TBCE: variants seen among roughly 807,000 people sequenced by gnomAD.
TBCE encodes the protein tubulin folding cofactor E.
Under a neutral mutation model 77.0 loss-of-function variants are expected in TBCE, and 53 were observed. That is an observed-to-expected ratio of 0.69 (90% confidence interval 0.55 to 0.87). TBCE has a LOEUF of 0.87. Ranked by LOEUF, TBCE falls within the 40% of genes least tolerant of loss-of-function variation. The probability of loss-of-function intolerance (pLI) is 0.00; values close to 1 mark genes in which losing one functional copy is unlikely to be tolerated. For synonymous variants in TBCE, 235 were observed against 241.3 expected, an observed-to-expected ratio of 0.97 and a Z score of 0.24; for missense variants, 624 against 622.4, an observed-to-expected ratio of 1.00 and a Z score of -0.03.
chr1:235,379,883 G>A (rs1267509400), intron 1 of TBCE, 136 bp from the exon 2 acceptor site: 1 of 528,502 alleles, frequency 1.9e-6, no homozygotes, highest in African/African-American at 1.9e-5. Context: ...GGAAGGTGGG[G>A]GTTGCAGTGA....
intron 15 of TBCE, among the ~76,000 whole-genome samples, chr1:235,446,943 G>A (rs1199318164): frequency 6.6e-6 from 1 of 152,108 alleles, no homozygotes; most frequent in East Asian, 1.9e-4. Flanking sequence ...CCAAAGTGCT[G>A]GGGTTACAGG....
At chr1:235,433,102 A>G (rs1681202824) in intron 7 of TBCE, 1 of 1,521,100 alleles carries the variant, frequency 6.6e-7, no homozygotes, top group Non-Finnish European at 8.8e-7. Flanking sequence ...GGCCAAGGCC[A>G]GTGAGGTCAC....
rs577563130 is a variant in TBCE, at chr1:235,370,285, G to A, written c.-32+2781G>A. 5.6e-5 allele frequency among the ~76,000 whole-genome samples: 7 copies of A among 125,060 alleles called. No individual in the cohort carries two copies. In the East Asian group the frequency reaches 1.1e-3, roughly 20 times the overall value. 82.0% of individuals were successfully genotyped at this position (125,060 alleles called of 152,430 possible). On this transcript the variant is annotated intron_variant, in intron 1 of 16. Coordinates refer to ENST00000642610, the MANE Select transcript of TBCE (RefSeq NM_003193.5). The stretch of plus-strand genomic sequence containing the variant: ...TTTTTTTTTTCTGAGACGGATTCTT[G>A]CTCTGTTGCCCAGGCTGGAGTGCAG...
At chr1:235,434,307 T>TAA (rs775009562) in intron 8 of TBCE, 27 bp downstream of exon 8, 1 of 1,557,338 alleles carries the variant, frequency 6.4e-7, no homozygotes, top group Admixed American at 1.7e-5. Flanking sequence ...TAAATGCATC[T>TAA]ATCCCCATTT....
intron 4 of TBCE, among the ~76,000 whole-genome samples, chr1:235,417,023 CAGTT>C (rs1195833429): frequency 6.6e-6 from 1 of 152,196 alleles, no homozygotes; most frequent in African/African-American, 2.4e-5. Flanking sequence ...TGATAGCTGT[CAGTT>C]AGGAGTTGAA....
chr1:235,433,139 C>G, intron 7 of TBCE: 1 of 1,471,966 alleles, frequency 6.8e-7, no homozygotes, highest in Non-Finnish European at 9.0e-7. Flanking sequence ...CAGTTTAAAA[C>G]CTGTGCTATC....
intron 3 of TBCE, among the ~76,000 whole-genome samples, chr1:235,406,526 C>T (rs1055981529): frequency 4.6e-5 from 7 of 152,138 alleles, no homozygotes; most frequent in Non-Finnish European, 8.8e-5. Context: ...CAAAGAGAAA[C>T]GTGGATTTTT....
chr1:235,370,686 G>C (rs1425992579), intron 1 of TBCE, among the ~76,000 whole-genome samples: 1 of 150,946 alleles, frequency 6.6e-6, no homozygotes, highest in Non-Finnish European at 1.5e-5. Flanking sequence ...AATGAATTTG[G>C]GGTTTTTGCA....
intron 2 of TBCE, 126 bp downstream of exon 2, chr1:235,380,275 A>T (rs1572325520): frequency 2.4e-6 from 2 of 841,024 alleles, no homozygotes; most frequent in South Asian, 2.9e-5. Flanking sequence ...ATTTTGACGA[A>T]ATTAACAACT....
chr1:235,377,219 C>T (rs534544013), intron 1 of TBCE, among the ~76,000 whole-genome samples: 151 of 152,312 alleles, frequency 9.9e-4, no homozygotes, highest in Non-Finnish European at 1.7e-3. Flanking sequence ...TTTGCTCTGT[C>T]GCCAGGCTGG....
chr1:235,437,190 T>C (rs1681516221), intron 11 of TBCE, 132 bp from the exon 12 acceptor site: 2 of 1,038,280 alleles, frequency 1.9e-6, no homozygotes, highest in South Asian at 2.7e-5. Flanking sequence ...CTAGAGGGGA[T>C]TGCTTAGTGC....
chr1:235,389,712 G>T lies in TBCE; in HGVS notation c.100+9563G>T, dbSNP rs190363926. ...ACACAGATTTAGTAATAATTTCTGC[G>T]GTTACTTCACTGGATGTTGTAGAGC... On this transcript the variant is annotated intron_variant, in intron 2 of 16. Transcript: ENST00000642610. 5.3e-4 allele frequency among the ~76,000 whole-genome samples: 81 copies of T among 152,224 alleles called. 2 individuals carry two copies. The South Asian group carries it at 0.012, about 23-fold the overall frequency.
intron 14 of TBCE, among the ~76,000 whole-genome samples, chr1:235,442,586 T>A (rs1294937038): frequency 2.0e-5 from 3 of 152,212 alleles, no homozygotes; most frequent in Non-Finnish European, 4.4e-5. Context: ...TGAACCAAAT[T>A]GTGATTTGTG....
At chr1:235,448,540 A>T in intron 16 of TBCE, 100 bp downstream of exon 16, 1 of 1,402,778 alleles carries the variant, frequency 7.1e-7, no homozygotes, top group Non-Finnish European at 1.0e-6. Flanking sequence ...CTAAATGGAG[A>T]CCATGGGTCT....
chr1:235,409,167 C>G (rs1203773545), intron 3 of TBCE, among the ~76,000 whole-genome samples: 1 of 152,112 alleles, frequency 6.6e-6, no homozygotes, highest in Non-Finnish European at 1.5e-5. Context: ...ATCTTGATAA[C>G]TGGGTTTTAT....
At chr1:235,417,182 G>A (rs1191265554) in intron 4 of TBCE, among the ~76,000 whole-genome samples, 2 of 152,196 alleles carry the variant, frequency 1.3e-5, no homozygotes, top group South Asian at 2.1e-4. Flanking sequence ...CTTGGAGATG[G>A]CTTTGGCTCT....
At chr1:235,424,631 G>A (rs1375312596) in intron 5 of TBCE, among the ~76,000 whole-genome samples, 1 of 151,656 alleles carries the variant, frequency 6.6e-6, no homozygotes, top group South Asian at 2.1e-4. Flanking sequence ...TCAGCTTCCC[G>A]AGTAGCTGGG....
In TBCE at chr1:235,417,929, C is replaced by T. The variant is rs142489181; in HGVS notation, c.372-1544C>T. Among the ~76,000 whole-genome samples, 4 of 152,250 alleles carry T rather than the reference C, an allele frequency of 2.6e-5. No homozygotes were observed. The East Asian group carries it at 7.7e-4, about 29-fold the overall frequency. The stretch of plus-strand genomic sequence containing the variant: ...AGTAGTCGGGATTACAGGTGCCCCC[C>T]ACTATGCCAGGCTAATTTTTGTTAT... On this transcript the variant is annotated intron_variant, in intron 4 of 16. Transcript: ENST00000642610.
chr1:235,381,005 G>A (rs1264962207), intron 2 of TBCE, among the ~76,000 whole-genome samples: 2 of 109,296 alleles, frequency 1.8e-5, no homozygotes, highest in Admixed American at 8.1e-5. Flanking sequence ...GGCTGGTCTC[G>A]AACTCCTGAG....
Sources: gnomAD v4.1 joint callset for allele counts (sites outside exome capture counted in the v4.1 genomes callset) on GRCh38, gnomAD v4.1.1 for gene constraint, MANE v1.5 for transcripts, NCBI Gene and HGNC (gene_info 2026-07-23, HGNC 2026-07-21) for gene names.